Variants in NTNG1 observed in about 807,000 individuals in gnomAD.
The protein encoded by NTNG1 is netrin G1.
Under a neutral mutation model 54.0 loss-of-function variants are expected in NTNG1, and 16 were observed. The observed-to-expected ratio is 0.30, with a 90% CI of 0.20 to 0.45. NTNG1 has a LOEUF of 0.45. Among genes scored for constraint, NTNG1 ranks in the 20% least tolerant of loss-of-function variants. NTNG1 has a pLI of 1.00. For synonymous variants in NTNG1, 255 were observed against 263.1 expected, an observed-to-expected ratio of 0.97 and a Z score of 0.30; for missense variants, 530 against 678.7, an observed-to-expected ratio of 0.78 and a Z score of 2.43.
At chr1:107,168,032 G>A (rs1655938199) in intron 2 of NTNG1, among the ~76,000 whole-genome samples, 1 of 151,908 alleles carries the variant, frequency 6.6e-6, no homozygotes, top group Non-Finnish European at 1.5e-5. Flanking sequence ...GAACTTTGAG[G>A]TCTCTGAAGG....
At chr1:107,267,976 C>T (rs1246181926) in intron 2 of NTNG1, among the ~76,000 whole-genome samples, 2 of 152,172 alleles carry the variant, frequency 1.3e-5, no homozygotes, top group African/African-American at 2.4e-5. Flanking sequence ...TAAATTGTCC[C>T]CATTCCAAGA....
chr1:107,217,810 G>C (rs550110145), intron 2 of NTNG1, among the ~76,000 whole-genome samples: 1 of 152,216 alleles, frequency 6.6e-6, no homozygotes, highest in East Asian at 1.9e-4. Flanking sequence ...GTCTGAGAGA[G>C]TACTTGCTAT....
At chr1:107,293,544 G>A (rs1665754956) in intron 2 of NTNG1, among the ~76,000 whole-genome samples, 1 of 152,130 alleles carries the variant, frequency 6.6e-6, no homozygotes, top group Admixed American at 6.6e-5. Context: ...CCAATGTCTT[G>A]GAAATTTACA....
intron 4 of NTNG1, among the ~76,000 whole-genome samples, chr1:107,403,816 T>C (rs1043283828): frequency 2.6e-5 from 4 of 152,026 alleles, no homozygotes; most frequent in Non-Finnish European, 4.4e-5. Flanking sequence ...TATAAAGGGA[T>C]GGACTTGGAC....
chr1:107,205,691 A>C (rs569744278), intron 2 of NTNG1, among the ~76,000 whole-genome samples: 27 of 152,234 alleles, frequency 1.8e-4, no homozygotes, highest in African/African-American at 5.8e-4. Flanking sequence ...AGTATACAGA[A>C]CAATGAATTT....
intron 3 of NTNG1, among the ~76,000 whole-genome samples, chr1:107,376,035 G>T (rs187989766): frequency 5.5e-4 from 84 of 152,238 alleles, no homozygotes; most frequent in African/African-American, 1.9e-3. Context: ...ATAGTAATTT[G>T]CCAACATTTA....
intron 2 of NTNG1, among the ~76,000 whole-genome samples, chr1:107,297,511 C>A (rs1049565190): frequency 6.6e-6 from 1 of 151,938 alleles, no homozygotes; most frequent in African/African-American, 2.4e-5. Context: ...GGGCACCCCA[C>A]TCCAGTATCA....
chr1:107,195,612 G>GAC (rs148130366), intron 2 of NTNG1, among the ~76,000 whole-genome samples: 58 of 150,274 alleles, frequency 3.9e-4, no homozygotes, highest in Admixed American at 1.0e-3. Context: ...CACACAGGCA[G>GAC]ACACACACAC....
chr1:107,410,214 T>C (rs545103547), intron 5 of NTNG1: 1 of 152,276 alleles, frequency 6.6e-6, no homozygotes, highest in South Asian at 2.1e-4. Flanking sequence ...ATGATGTATA[T>C]TATCGATGTA....
chr1:107,155,366 CAAGTT>C (rs1373430507), intron 2 of NTNG1, among the ~76,000 whole-genome samples: 1 of 151,986 alleles, frequency 6.6e-6, no homozygotes, highest in Admixed American at 6.6e-5. Flanking sequence ...ATGTCTAGCT[CAAGTT>C]AATTTCAGGT....
At chr1:107,266,615 TG>T (rs1442745348) in intron 2 of NTNG1, among the ~76,000 whole-genome samples, 2,470 of 150,548 alleles carry the variant, frequency 0.016, 70 homozygotes, top group African/African-American at 0.056. Flanking sequence ...TTAGCAACAT[TG>T]TTTTTTTTTT....
chr1:107,471,501 G>C (rs1677979742), intron 7 of NTNG1, among the ~76,000 whole-genome samples: 1 of 152,192 alleles, frequency 6.6e-6, no homozygotes, highest in Admixed American at 6.5e-5. Flanking sequence ...GTAGATGCAG[G>C]TTGAGGGTCT....
intron 1 of NTNG1, chr1:107,141,515 C>T (rs1348354733): frequency 6.6e-6 from 1 of 151,994 alleles, no homozygotes; most frequent in African/African-American, 2.4e-5. Flanking sequence ...GCCCGTGCCC[C>T]TCTCCCCCGG....
At chr1:107,354,718 A>G (rs774964292) in intron 3 of NTNG1, among the ~76,000 whole-genome samples, 1 of 151,944 alleles carries the variant, frequency 6.6e-6, no homozygotes, top group Non-Finnish European at 1.5e-5. Context: ...AGTCTTTCAA[A>G]ACTTAGTCTA....
At chr1:107,464,970 C>G (rs1677509398) in intron 7 of NTNG1, among the ~76,000 whole-genome samples, 1 of 152,180 alleles carries the variant, frequency 6.6e-6, no homozygotes, top group African/African-American at 2.4e-5. Flanking sequence ...CAGGTCGGCC[C>G]AACCCCACAT....
chr1:107,351,179 A>G (rs1669574685), intron 3 of NTNG1, among the ~76,000 whole-genome samples: 1 of 152,312 alleles, frequency 6.6e-6, no homozygotes, highest in Non-Finnish European at 1.5e-5. Flanking sequence ...CAAATCACAG[A>G]GCTACTCTTT....
chr1:107,400,355 T>A (rs926093014), intron 4 of NTNG1, among the ~76,000 whole-genome samples: 16 of 152,316 alleles, frequency 1.1e-4, no homozygotes, highest in African/African-American at 3.8e-4. Flanking sequence ...ATTATAATAA[T>A]GATAGCTACC....
chr1:107,205,894 G>A (rs6684678), intron 2 of NTNG1, among the ~76,000 whole-genome samples: 123,243 of 152,124 alleles, frequency 0.81, 53,688 homozygotes, highest in East Asian at 0.99. Context: ...GAACTTATAC[G>A]TGGAATTGTA....
chr1:107,256,041 T>A (rs1156884322), intron 2 of NTNG1, among the ~76,000 whole-genome samples: 1 of 152,254 alleles, frequency 6.6e-6, no homozygotes, highest in Non-Finnish European at 1.5e-5. Context: ...AAGAATGTGA[T>A]TTTAAGTTAA....
Sources: allele counts gnomAD v4.1 joint callset (sites outside exome capture counted in the v4.1 genomes callset), GRCh38; gene constraint gnomAD v4.1.1; transcripts MANE v1.5; gene names NCBI Gene and HGNC (gene_info 2026-07-23, HGNC 2026-07-21).